The following CTNNA3 variants were observed in gnomAD, a reference collection of about 807,000 sequenced individuals.
CTNNA3 encodes catenin alpha-3.
In CTNNA3, 76 loss-of-function variants were observed where a neutral mutation model predicts 95.7. The observed-to-expected ratio is 0.79, with a 90% confidence interval of 0.66 to 0.96. CTNNA3 has a LOEUF of 0.96. CTNNA3 is among the 40% of genes least tolerant of loss of function. The pLI, the probability that CTNNA3 is intolerant of heterozygous loss-of-function variation, is 0.00. For missense variants in CTNNA3, 1,191 were observed against 1,089.8 expected (o/e 1.09, Z -1.31); for synonymous variants, 431 against 374.4 (o/e 1.15, Z -1.74).
intron 10 of CTNNA3, among the ~76,000 whole-genome samples, chr10:66,608,422 C>G (rs1025915011): frequency 6.6e-6 from 1 of 152,036 alleles, no homozygotes; most frequent in East Asian, 1.9e-4. Flanking sequence ...ACCAATGACA[C>G]TCTTCACACA....
At chr10:66,816,396 A>G (rs1236580784) in intron 7 of CTNNA3, among the ~76,000 whole-genome samples, 1 of 152,098 alleles carries the variant, frequency 6.6e-6, no homozygotes, top group Admixed American at 6.6e-5. Flanking sequence ...GCAAAAATCG[A>G]CTAATGGATT....
intron 9 of CTNNA3, among the ~76,000 whole-genome samples, chr10:66,749,790 T>G (rs1839057254): frequency 6.6e-6 from 1 of 152,230 alleles, no homozygotes; most frequent in African/African-American, 2.4e-5. Context: ...ACTGCCAAAC[T>G]GTCTTCCAAA....
chr10:66,007,097 A>G (rs1329036920), intron 15 of CTNNA3, among the ~76,000 whole-genome samples: 2 of 152,152 alleles, frequency 1.3e-5, no homozygotes, highest in African/African-American at 4.8e-5. Context: ...ACTATTTTCA[A>G]TCAGCTTATT....
At chr10:66,129,125 G>A (rs948674534) in intron 13 of CTNNA3, among the ~76,000 whole-genome samples, 34 of 152,100 alleles carry the variant, frequency 2.2e-4, no homozygotes, top group African/African-American at 7.2e-4. Flanking sequence ...TTAGCTGGGC[G>A]TGGTGGCATA....
intron 12 of CTNNA3, among the ~76,000 whole-genome samples, chr10:66,296,906 G>T (rs2132215032): frequency 6.6e-6 from 1 of 152,226 alleles, no homozygotes; most frequent in Admixed American, 6.5e-5. Flanking sequence ...TAAATACAAA[G>T]CAGATAAATA....
intron 12 of CTNNA3, among the ~76,000 whole-genome samples, chr10:66,321,793 G>A (rs1319219568): frequency 6.6e-6 from 1 of 152,094 alleles, no homozygotes; most frequent in Non-Finnish European, 1.5e-5. Context: ...CTACGAAAAA[G>A]CTCCAAATAA....
At chr10:65,985,221 T>C (rs2078404336) in intron 16 of CTNNA3, among the ~76,000 whole-genome samples, 1 of 151,096 alleles carries the variant, frequency 6.6e-6, no homozygotes, top group South Asian at 2.1e-4. Flanking sequence ...AACCTTTCCC[T>C]AATACTATTT....
At chr10:67,637,456 A>G (rs60249258) in intron 2 of CTNNA3, among the ~76,000 whole-genome samples, 18,542 of 152,108 alleles carry the variant, frequency 0.12, 2,060 homozygotes, top group East Asian at 0.43. Context: ...TATTATCCAG[A>G]AGAACTTCCC....
At chr10:66,558,239 T>C (rs572088360) in intron 10 of CTNNA3, among the ~76,000 whole-genome samples, 1 of 152,288 alleles carries the variant, frequency 6.6e-6, no homozygotes, top group South Asian at 2.1e-4. Context: ...CCTTCAGTTA[T>C]GCTTGTAAGA....
chr10:66,315,482 G>A (rs1268309009), intron 12 of CTNNA3, among the ~76,000 whole-genome samples: 2 of 149,774 alleles, frequency 1.3e-5, no homozygotes, highest in Admixed American at 1.3e-4. Flanking sequence ...CCAGAGGCAA[G>A]GGGCTCTAAA....
intron 11 of CTNNA3, among the ~76,000 whole-genome samples, chr10:66,407,810 A>T (rs1360669150): frequency 6.6e-6 from 1 of 152,074 alleles, no homozygotes; most frequent in East Asian, 1.9e-4. Context: ...CGATCTCCTG[A>T]CCTTGCGATC....
rs140474690 is a variant in CTNNA3, at chr10:66,928,117, G to T, written c.1048-152593C>A. On this transcript the variant is annotated intron_variant, in intron 7 of 17. Transcript: ENST00000433211. ...ACCCCCTTTGCCCCCGACGGTGGGA[G>T]CCACAGAGCCCGGCCCAGAGACCGA... 30 of 1,613,958 alleles carry T rather than the reference G, an allele frequency of 1.9e-5. No homozygotes were observed. In the Middle Eastern group the frequency reaches 6.6e-4, roughly 35 times the overall value.
chr10:66,781,291 AT>A (rs569694032), intron 7 of CTNNA3, among the ~76,000 whole-genome samples: 50 of 152,288 alleles, frequency 3.3e-4, no homozygotes, highest in African/African-American at 1.1e-3. Flanking sequence ...AAAATGATGC[AT>A]TTTCCTTTTA....
chr10:65,927,975 T>C (rs2077192699), intron 17 of CTNNA3, among the ~76,000 whole-genome samples: 1 of 152,166 alleles, frequency 6.6e-6, no homozygotes, highest in Non-Finnish European at 1.5e-5. Context: ...GATATTTTGA[T>C]TCTTTTTACA....
chr10:66,704,189 T>C (rs572308494), intron 9 of CTNNA3, among the ~76,000 whole-genome samples: 1 of 152,300 alleles, frequency 6.6e-6, no homozygotes, highest in African/African-American at 2.4e-5. Context: ...TCACTTTCAG[T>C]ATAAAACTTC....
chr10:67,728,005 T>C (rs905216379), intron 1 of CTNNA3, among the ~76,000 whole-genome samples: 3 of 140,260 alleles, frequency 2.1e-5, no homozygotes, highest in Non-Finnish European at 3.0e-5. Flanking sequence ...ATGTATATTA[T>C]GTATTATATA....
At chr10:66,131,410 A>T (rs1216026486) in intron 13 of CTNNA3, among the ~76,000 whole-genome samples, 1 of 152,244 alleles carries the variant, frequency 6.6e-6, no homozygotes, top group African/African-American at 2.4e-5. Context: ...TTGGTTCAAC[A>T]TATGCAGATC....
intron 13 of CTNNA3, among the ~76,000 whole-genome samples, chr10:66,207,115 GACTA>G (rs999140811): frequency 1.7e-4 from 25 of 150,898 alleles, no homozygotes; most frequent in African/African-American, 3.9e-4. Flanking sequence ...AAGATTATAA[GACTA>G]ACTAAGGAAG....
intron 9 of CTNNA3, among the ~76,000 whole-genome samples, chr10:66,702,109 G>T (rs569468233): frequency 3.9e-5 from 6 of 151,912 alleles, no homozygotes; most frequent in African/African-American, 1.4e-4. Flanking sequence ...GTACTTATCT[G>T]TAAAAAATAT....
Sources: allele counts gnomAD v4.1 joint callset (sites outside exome capture counted in the v4.1 genomes callset), GRCh38; gene constraint gnomAD v4.1.1; transcripts MANE v1.5; gene names NCBI Gene and HGNC (gene_info 2026-07-23, HGNC 2026-07-21).